The following NRXN1 variants were observed in gnomAD, a reference collection of about 807,000 sequenced individuals.
NRXN1 encodes the protein neurexin 1.
Under a neutral mutation model 150.9 loss-of-function variants are expected in NRXN1, and 39 were observed. That is an observed-to-expected ratio of 0.26 (90% CI 0.20 to 0.34). NRXN1 has a LOEUF of 0.34. Ranked by LOEUF, NRXN1 falls within the 10% of genes least tolerant of loss-of-function variation. The pLI is 1.00. For missense variants in NRXN1, 1,815 were observed against 1,949.9 expected (o/e 0.93, Z 1.30); for synonymous variants, 924 against 757.0 (o/e 1.22, Z -3.62).
intron 15 of NRXN1, among the ~76,000 whole-genome samples, chr2:50,477,087 CA>C (rs1251691621): frequency 6.6e-6 from 1 of 151,958 alleles, no homozygotes; most frequent in East Asian, 1.9e-4. Context: ...ACACAGGGAA[CA>C]GCACAATTGT....
chr2:50,843,004 C>T (rs531165457), intron 5 of NRXN1, among the ~76,000 whole-genome samples: 1 of 152,248 alleles, frequency 6.6e-6, no homozygotes, highest in South Asian at 2.1e-4. Flanking sequence ...AAATCATTTA[C>T]AGATGTCTGT....
rs181859079 is a variant in NRXN1 at position 50,690,871 on chromosome 2, T to G, written c.833-67256A>C. On this transcript the variant is annotated intron_variant, in intron 5 of 22. Coordinates refer to ENST00000401669, the MANE Select transcript of NRXN1 (RefSeq NM_001330078.2). ...CACTCCCCTCCCGGTTCTTTTCCTT[T>G]AACCATGAGAATCACTGACCCACTG... Among the ~76,000 whole-genome samples, 10 of 152,334 alleles carry G rather than the reference T, an allele frequency of 6.6e-5. No individual in the cohort carries two copies. In the East Asian group the frequency reaches 1.9e-3, roughly 29 times the overall value.
At chr2:50,835,587 T>C (rs1671996926) in intron 5 of NRXN1, among the ~76,000 whole-genome samples, 1 of 152,176 alleles carries the variant, frequency 6.6e-6, no homozygotes, top group African/African-American at 2.4e-5. Flanking sequence ...GACATTTGCT[T>C]TGAGAATATT....
chr2:50,973,233 T>G (rs1395488821), intron 2 of NRXN1, among the ~76,000 whole-genome samples: 1 of 152,118 alleles, frequency 6.6e-6, no homozygotes, highest in African/African-American at 2.4e-5. Flanking sequence ...CTGTCCCAAA[T>G]GCAGAACCAT....
intron 5 of NRXN1, among the ~76,000 whole-genome samples, chr2:50,747,159 G>A (rs757585292): frequency 1.3e-5 from 2 of 152,022 alleles, no homozygotes; most frequent in Non-Finnish European, 2.9e-5. Flanking sequence ...CATATACAAC[G>A]GGTCATTTAG....
intron 2 of NRXN1, among the ~76,000 whole-genome samples, chr2:50,961,629 T>C (rs1001125561): frequency 1.3e-5 from 2 of 151,838 alleles, no homozygotes; most frequent in African/African-American, 4.8e-5. Flanking sequence ...TTCATTTGAA[T>C]TAAGCTAAGC....
At chr2:50,269,058 T>C (rs932631196) in intron 17 of NRXN1, among the ~76,000 whole-genome samples, 1 of 152,204 alleles carries the variant, frequency 6.6e-6, no homozygotes, top group Admixed American at 6.5e-5. Flanking sequence ...GAAAGTATAG[T>C]AAAAGCCAAC....
At chr2:50,205,246 A>G (rs2062481720) in intron 18 of NRXN1, among the ~76,000 whole-genome samples, 1 of 152,090 alleles carries the variant, frequency 6.6e-6, no homozygotes, top group Admixed American at 6.6e-5. Context: ...TTTTAGTTTT[A>G]TCATCTGAAA....
At chr2:50,995,813 G>C (rs1014881386) in intron 2 of NRXN1, among the ~76,000 whole-genome samples, 1 of 152,014 alleles carries the variant, frequency 6.6e-6, no homozygotes, top group Non-Finnish European at 1.5e-5. Flanking sequence ...AATAATTCTT[G>C]TGTGACTAAG....
At chr2:50,237,602 C>T (rs1267342806) in intron 17 of NRXN1, among the ~76,000 whole-genome samples, 4 of 151,524 alleles carry the variant, frequency 2.6e-5, no homozygotes, top group Admixed American at 1.3e-4. Context: ...TATTCAGAAT[C>T]ATAAAAAGAC....
chr2:50,833,429 C>A (rs1302771009), intron 5 of NRXN1, among the ~76,000 whole-genome samples: 1 of 152,150 alleles, frequency 6.6e-6, no homozygotes, highest in Non-Finnish European at 1.5e-5. Context: ...CATGGATAAA[C>A]ATACTGTGGT....
Position 49,921,760 on chromosome 2 carries a change from T to C in NRXN1, c.*184A>G. On this transcript the variant is annotated 3_prime_UTR_variant, in exon 23 of 23. Coordinates refer to ENST00000401669, the MANE Select transcript of NRXN1 (RefSeq NM_001330078.2). ...GGCCCCTGTTTTTTGTTTTTTGTTT[T>C]TCTTTTTTGAGAAACAAGAGCATGA... 1.5e-6 allele frequency: 1 copy of C among 659,774 alleles called. No homozygotes were observed. The highest frequency in any genetic ancestry group is 2.8e-5 in the East Asian group (1 of 35,220). The allele number at this position is 659,774 out of a possible 1,614,324, so 40.9% of individuals were successfully genotyped here.
intron 2 of NRXN1, among the ~76,000 whole-genome samples, chr2:50,951,090 T>G (rs1176487044): frequency 6.6e-6 from 1 of 152,208 alleles, no homozygotes; most frequent in Non-Finnish European, 1.5e-5. Flanking sequence ...TGTATTAGAT[T>G]GTATTCAATT....
intron 8 of NRXN1, among the ~76,000 whole-genome samples, chr2:50,596,835 T>C (rs888565158): frequency 1.3e-5 from 2 of 148,330 alleles, no homozygotes; most frequent in Non-Finnish European, 3.0e-5. Context: ...CTCAGGTGCC[T>C]ATGAGGAACG....
At chr2:50,523,927 A>T (rs181639512) in intron 12 of NRXN1, among the ~76,000 whole-genome samples, 2 of 152,302 alleles carry the variant, frequency 1.3e-5, no homozygotes, top group African/African-American at 4.8e-5. Context: ...GAGAAGCCAA[A>T]AGTACTTGGA....
intron 5 of NRXN1, among the ~76,000 whole-genome samples, chr2:50,836,254 G>A (rs948789310): frequency 1.3e-5 from 2 of 151,996 alleles, no homozygotes; most frequent in African/African-American, 4.8e-5. Flanking sequence ...ACAATGTGTT[G>A]TTTTGATGTA....
intron 5 of NRXN1, among the ~76,000 whole-genome samples, chr2:50,826,505 A>C (rs936668660): frequency 2.6e-5 from 4 of 152,146 alleles, no homozygotes; most frequent in Non-Finnish European, 5.9e-5. Flanking sequence ...TGGCCTGACT[A>C]ATGCATCACC....
chr2:50,973,263 G>A (rs976880874), intron 2 of NRXN1, among the ~76,000 whole-genome samples: 9 of 152,080 alleles, frequency 5.9e-5, no homozygotes, highest in African/African-American at 2.2e-4. Context: ...AAATCAGACC[G>A]ACTCTCTCAA....
intron 17 of NRXN1, among the ~76,000 whole-genome samples, chr2:50,415,853 A>T (rs992871734): frequency 6.6e-6 from 1 of 151,830 alleles, no homozygotes; most frequent in Admixed American, 6.6e-5. Flanking sequence ...AGAAAAAAAT[A>T]GACAAACTCT....
Sources: allele counts gnomAD v4.1 joint callset (sites outside exome capture counted in the v4.1 genomes callset), GRCh38; gene constraint gnomAD v4.1.1; transcripts MANE v1.5; gene names NCBI Gene and HGNC (gene_info 2026-07-23, HGNC 2026-07-21).